Variants in ZNF197 observed in about 807,000 individuals in gnomAD.
ZNF197 encodes the protein zinc finger protein 197.
A neutral mutation model predicts 27.4 loss-of-function variants in ZNF197; 14 were observed. The observed-to-expected ratio is 0.51, with a 90% CI of 0.34 to 0.80. The LOEUF (loss-of-function observed/expected upper bound fraction) is 0.80, where lower values mean the gene tolerates loss of function less well. ZNF197 is among the 30% of genes least tolerant of loss of function. ZNF197 has a pLI of 0.02. For missense variants in ZNF197, 1,090 were observed against 1,222.6 expected, an observed-to-expected ratio of 0.89 and a Z score of 1.62; for synonymous variants, 415 against 420.0, an observed-to-expected ratio of 0.99 and a Z score of 0.15.
In ZNF197 at chr3:44,642,389, A is replaced by T. The variant is rs138953408; in HGVS notation, c.1259A>T (p.His420Leu). 6.2e-7 allele frequency: 1 copy of T among 1,614,032 alleles called. No individual in the cohort carries two copies. Among genetic ancestry groups the T allele is most frequent in the African/African-American group, 1.3e-5 (1 of 74,928 alleles). ...AGCCTTCTAATGCATTTACGGAACC[A>T]TTCAGGGGAGAAACCTTATAAATGT... is the stretch of plus-strand genomic sequence containing the variant. ...RSSLLMHLRN[H>L]SGEKPYKCNE... Residue 420 changes from histidine to leucine, a missense_variant, in exon 6 of 6, where the codon CAT (histidine) becomes CTT (leucine). Coordinates refer to ENST00000344387, the MANE Select transcript of ZNF197 (RefSeq NM_006991.5).
At chr3:44,626,546 C>T (rs1701671599) in intron 1 of ZNF197, among the ~76,000 whole-genome samples, 1 of 152,202 alleles carries the variant, frequency 6.6e-6, no homozygotes, top group Non-Finnish European at 1.5e-5. Context: ...TACAAATTAA[C>T]AAGACCCAAC....
Position 44,644,729 on chromosome 3 carries a change from G to A in ZNF197, c.*509G>A. ...TTGTAAATGAGAGCAACAATAAAAA[G>A]TAGACATGGGCTGGGTGCAGTGGCT... On this transcript the variant is annotated 3_prime_UTR_variant, in exon 6 of 6. Transcript: ENST00000344387. The A allele has an allele frequency of 1.0e-6, 1 of 985,854 alleles. No homozygotes were observed. The highest frequency in any genetic ancestry group is 1.7e-5 in the African/African-American group (1 of 57,352). 61.1% of individuals were successfully genotyped at this position (985,854 alleles called of 1,614,324 possible).
intron 5 of ZNF197, among the ~76,000 whole-genome samples, chr3:44,638,772 C>T (rs1156558874): frequency 6.6e-6 from 1 of 152,228 alleles, no homozygotes; most frequent in Non-Finnish European, 1.5e-5. Context: ...CGGCTCACTA[C>T]ATCCTCAACT....
Position 44,642,775 on chromosome 3 carries a change from C to G in ZNF197, c.1645C>G (p.Gln549Glu), listed in dbSNP as rs920854146. Residue 549 changes from glutamine to glutamate, a missense_variant, in exon 6 of 6, where the codon CAG becomes GAG. Coordinates refer to ENST00000344387, the MANE Select transcript of ZNF197 (RefSeq NM_006991.5). ...TGATGAATGTGGAAAGACCTTTGCT[C>G]AGACCACTTATCTTATTGACCATCA... ...KCDECGKTFAQTTYLIDHQRL... is the reference protein window; with the variant it reads ...KCDECGKTFAETTYLIDHQRL... 6.2e-7 allele frequency: 1 copy of G among 1,613,602 alleles called. No homozygotes were observed. Among genetic ancestry groups the G allele is most frequent in the African/African-American group, 1.3e-5 (1 of 74,994 alleles).
Position 44,638,183 on chromosome 3 carries a change from G to A in ZNF197, c.770-3717G>A, listed in dbSNP as rs569601951. 5.9e-5 allele frequency among the ~76,000 whole-genome samples: 9 copies of A among 151,858 alleles called. No homozygotes were observed. In the East Asian group the frequency reaches 1.4e-3, roughly 23 times the overall value. On this transcript the variant is annotated intron_variant, in intron 5 of 5. Coordinates refer to ENST00000344387, the MANE Select transcript of ZNF197 (RefSeq NM_006991.5). ...AGAATATAAGTTTTTCACTTCTTTT[G>A]TTAAATTTATCCTAATCTTATTGTT... is the stretch of plus-strand genomic sequence containing the variant.
Position 44,629,216 on chromosome 3 carries a change from A to T in ZNF197, c.62A>T (p.Asp21Val). The change falls in exon 2 of 6, where the codon GAT (aspartate) becomes GTT (valine). Residue 21 changes from aspartate to valine, a missense_variant. Physicochemically the swap from Asp to Val is radical, Grantham distance 152. Transcript: ENST00000344387. ...LRQEGLVKGK[D>V]DTWKWGTSFQ... ...CAAGAGGGCCTTGTGAAGGGGAAGGATGATACCTGGAAATGGGGAACCAGC... is the reference window on the plus strand; with the variant it reads ...CAAGAGGGCCTTGTGAAGGGGAAGGTTGATACCTGGAAATGGGGAACCAGC... 1.2e-6 allele frequency: 2 copies of T among 1,614,140 alleles called. No homozygotes were observed. The highest frequency in any genetic ancestry group is 1.7e-6 in the Non-Finnish European group (2 of 1,180,006).
chr3:44,643,298 T>C lies in ZNF197; in HGVS notation c.2168T>C (p.Val723Ala). 6.2e-7 allele frequency: 1 copy of C among 1,613,760 alleles called. No homozygotes were observed. ...KTFIMSKSFM[V>A]HQKLHTQEKA... Reference sequence around the variant, plus strand: ...TTTATTATGAGCAAAAGTTTTATGGTCCATCAGAAACTCCATACACAAGAG... The same window carrying C: ...TTTATTATGAGCAAAAGTTTTATGGCCCATCAGAAACTCCATACACAAGAG... The change falls in exon 6 of 6, where the codon GTC becomes GCC. Residue 723 changes from valine to alanine, a missense_variant. By Grantham distance (64) the Val-to-Ala change is moderately conservative (BLOSUM62 0). Coordinates refer to ENST00000344387, the MANE Select transcript of ZNF197 (RefSeq NM_006991.5).
chr3:44,644,227 A>G lies in ZNF197; in HGVS notation c.*7A>G. On this transcript the variant is annotated 3_prime_UTR_variant, in exon 6 of 6. Transcript: ENST00000344387. ...TGAGATTCAGAAAATCTAGTGTCAT[A>G]TGTAAAATGGAATAGAATCCCTGCC... The G allele has an allele frequency of 1.3e-6, 2 of 1,571,936 alleles. No individual in the cohort carries two copies. The highest frequency in any genetic ancestry group is 1.4e-5 in the African/African-American group (1 of 73,036).
chr3:44,632,415 A>T (rs1702065597), intron 4 of ZNF197, 58 bp from the exon 5 acceptor site: 1 of 1,543,468 alleles, frequency 6.5e-7, no homozygotes, highest in South Asian at 1.3e-5. Context: ...AGTGAAGGGA[A>T]CCTTTCGACA....
rs775678251 is a variant in ZNF197, at chr3:44,645,100, A to G, written c.*880A>G. Reference sequence around the variant, plus strand: ...ACCTTTGATTCCTGGCTTTCCCTTAATGGCCATGTGATGTTATTAAGTCAG... The same window carrying G: ...ACCTTTGATTCCTGGCTTTCCCTTAGTGGCCATGTGATGTTATTAAGTCAG... On this transcript the variant is annotated 3_prime_UTR_variant, in exon 6 of 6. Coordinates refer to ENST00000344387, the MANE Select transcript of ZNF197 (RefSeq NM_006991.5). The G allele has an allele frequency of 1.9e-4, 185 of 979,912 alleles. No individual in the cohort carries two copies. Among genetic ancestry groups the G allele is most frequent in the Non-Finnish European group, 2.2e-4 (179 of 825,126 alleles). The allele number at this position is 979,912 out of a possible 1,614,324, so 60.7% of individuals were successfully genotyped here. A position where few individuals can be genotyped will look rare whatever the true frequency, so the allele number is the denominator to read the frequency against.
At position 44,642,032 on chromosome 3, in the gene ZNF197, G is replaced by A. The variant is rs142328665; in HGVS notation, c.902G>A (p.Cys301Tyr). 8 of 1,613,992 alleles carry A rather than the reference G, an allele frequency of 5.0e-6. No individual in the cohort carries two copies. Among genetic ancestry groups the A allele is most frequent in the Middle Eastern group, 1.6e-4 (1 of 6,084 alleles). ...CAGGTCCTTGATTTTGAAGAAGAGT[G>A]TGAATGGCAAGTTTTGGCAAGTCAG... ...VPQVLDFEEECEWQVLASQWG... is the reference protein window; with the variant it reads ...VPQVLDFEEEYEWQVLASQWG... The change falls in exon 6 of 6, where the codon TGT (cysteine) becomes TAT (tyrosine). Residue 301 changes from cysteine to tyrosine, a missense_variant. Physicochemically the swap from Cys to Tyr is radical, Grantham distance 194. Coordinates refer to ENST00000344387, the MANE Select transcript of ZNF197 (RefSeq NM_006991.5).
chr3:44,638,209 T>G (rs1401952398), intron 5 of ZNF197, among the ~76,000 whole-genome samples: 1 of 152,188 alleles, frequency 6.6e-6, no homozygotes, highest in East Asian at 1.9e-4. Flanking sequence ...TCTTATTGTT[T>G]GAGACTATTA....
At chr3:44,631,464 G>T (rs977004732) in intron 3 of ZNF197, among the ~76,000 whole-genome samples, 1 of 150,046 alleles carries the variant, frequency 6.7e-6, no homozygotes, top group African/African-American at 2.5e-5. Flanking sequence ...GCAGTGGCGC[G>T]ATCTCAGCTC....
In ZNF197 at chr3:44,629,794, C is replaced by G. The variant is rs1701879933; in HGVS notation, c.390+250C>G. Among the ~76,000 whole-genome samples the G allele has an allele frequency of 2.0e-5, 3 of 152,292 alleles. No individual in the cohort carries two copies. The South Asian group carries it at 6.2e-4, about 32-fold the overall frequency. ...CATAAAAACATTGACTGTTTTGTCC[C>G]TTGGGTAATGCTTGCTAATGCTGAG... On this transcript the variant is annotated intron_variant, in intron 2 of 5. Coordinates refer to ENST00000344387, the MANE Select transcript of ZNF197 (RefSeq NM_006991.5).
At position 44,642,152 on chromosome 3, in the gene ZNF197, G is replaced by C; in HGVS notation, c.1022G>C (p.Gly341Ala). 6.2e-7 allele frequency: 1 copy of C among 1,614,128 alleles called. No individual in the cohort carries two copies. The highest frequency in any genetic ancestry group is 8.5e-7 in the Non-Finnish European group (1 of 1,180,020). ...KKKRTPPEKQ[G>A]QKWKELGDSL... ...AAAAGGACTCCACCAGAGAAACAAG[G>C]CCAAAAGTGGAAGGAATTAGGAGAC... Residue 341 changes from glycine to alanine, a missense_variant, in exon 6 of 6, where the codon GGC (glycine) becomes GCC (alanine). Transcript: ENST00000344387.
chr3:44,626,967 T>G (rs1389700700), intron 1 of ZNF197, among the ~76,000 whole-genome samples: 1 of 152,100 alleles, frequency 6.6e-6, no homozygotes, highest in Non-Finnish European at 1.5e-5. Context: ...TTATGATACA[T>G]CTATGCATCC....
Position 44,643,721 on chromosome 3 carries a change from A to G in ZNF197, c.2591A>G (p.His864Arg). ...ACGTACAACAGAAACCTGATTGAACATCAAAGAATTCACAGTGGAGAAAAA... is the reference window on the plus strand; with the variant it reads ...ACGTACAACAGAAACCTGATTGAACGTCAAAGAATTCACAGTGGAGAAAAA... ...GFTYNRNLIE[H>R]QRIHSGEKTY... Residue 864 changes from histidine (H) to arginine (R), a missense_variant, in exon 6 of 6, where the codon CAT becomes CGT. His to Arg is a conservative substitution (Grantham distance 29, BLOSUM62 0). Coordinates refer to ENST00000344387, the MANE Select transcript of ZNF197 (RefSeq NM_006991.5). 2 of 1,614,134 alleles carry G rather than the reference A, an allele frequency of 1.2e-6. No individual in the cohort carries two copies. The highest frequency in any genetic ancestry group is 1.7e-5 in the Admixed American group (1 of 60,028).
chr3:44,644,801 C>T lies in ZNF197; in HGVS notation c.*581C>T. The T allele has an allele frequency of 1.3e-5, 13 of 984,112 alleles. No individual in the cohort carries two copies. Among genetic ancestry groups the T allele is most frequent in the Non-Finnish European group, 1.6e-5 (13 of 828,778 alleles). The allele number at this position is 984,112 out of a possible 1,614,324, so 61.0% of individuals were successfully genotyped here. On this transcript the variant is annotated 3_prime_UTR_variant, in exon 6 of 6. Coordinates refer to ENST00000344387, the MANE Select transcript of ZNF197 (RefSeq NM_006991.5). ...TTGGGAGGCCGAGGTGGGAAGATCC[C>T]TTGAGCCCAGGAGTTCGAGACAAGC...
chr3:44,631,343 C>G, intron 3 of ZNF197, 122 bp downstream of exon 3: 2 of 1,224,006 alleles, frequency 1.6e-6, no homozygotes, highest in Middle Eastern at 2.7e-4. Flanking sequence ...GTGCCAATTT[C>G]TTTCTGCTGT....
Sources: gnomAD v4.1 joint callset for allele counts (sites outside exome capture counted in the v4.1 genomes callset) on GRCh38, gnomAD v4.1.1 for gene constraint, MANE v1.5 for transcripts, NCBI Gene and HGNC (gene_info 2026-07-23, HGNC 2026-07-21) for gene names.